The following B4GALT5 variants were observed in gnomAD, a reference collection of about 807,000 sequenced individuals.
B4GALT5 encodes beta-1,4-galactosyltransferase 5.
In B4GALT5, 11 loss-of-function variants were observed where a neutral mutation model predicts 45.0. That is an observed-to-expected ratio of 0.24 (90% CI 0.15 to 0.40). The LOEUF (loss-of-function observed/expected upper bound fraction) is 0.40. B4GALT5 is among the 10% of genes least tolerant of loss of function. B4GALT5 has a pLI of 1.00. For missense variants in B4GALT5, 337 were observed against 500.2 expected (o/e 0.67, Z 3.11); for synonymous variants, 185 against 182.9 (o/e 1.01, Z -0.09).
chr20:49,701,543 G>T (rs1016854936), intron 1 of B4GALT5, among the ~76,000 whole-genome samples: 10 of 152,142 alleles, frequency 6.6e-5, no homozygotes, highest in African/African-American at 2.4e-4. Context: ...TTGGCAGCCT[G>T]TTTCTCTTCA....
intron 1 of B4GALT5, among the ~76,000 whole-genome samples, chr20:49,658,878 T>A (rs1373746500): frequency 6.6e-6 from 1 of 152,192 alleles, no homozygotes; most frequent in Non-Finnish European, 1.5e-5. Flanking sequence ...ATAATAAATA[T>A]AAGCAACATT....
chr20:49,646,697 AG>A (rs2085600469), intron 3 of B4GALT5, among the ~76,000 whole-genome samples: 1 of 152,162 alleles, frequency 6.6e-6, no homozygotes, highest in South Asian at 2.1e-4. Context: ...TACTTTCTCT[AG>A]GAAGTTCAAA....
chr20:49,660,873 C>T (rs1350726832), intron 1 of B4GALT5, among the ~76,000 whole-genome samples: 3 of 152,172 alleles, frequency 2.0e-5, no homozygotes, highest in African/African-American at 4.8e-5. Context: ...CGCCTGTAGT[C>T]CCAGCCACTC....
intron 1 of B4GALT5, among the ~76,000 whole-genome samples, chr20:49,658,315 G>A (rs1033017248): frequency 2.6e-5 from 4 of 152,154 alleles, no homozygotes; most frequent in Admixed American, 2.6e-4. Context: ...CAGTAGGGGG[G>A]CAGTCCACAA....
chr20:49,633,171 A>AT lies in B4GALT5; in HGVS notation c.*3140dup, dbSNP rs1340486282. 1 of 152,680 alleles carries AT rather than the reference A, an allele frequency of 6.5e-6. No homozygotes were observed. The highest frequency in any genetic ancestry group is 1.5e-5 in the Non-Finnish European group (1 of 68,044). The allele number at this position is 152,680 out of a possible 1,614,324, so 9.5% of individuals were successfully genotyped here. On this transcript the variant is annotated 3_prime_UTR_variant, in exon 9 of 9. Transcript: ENST00000371711. ...GATGGAAATAAGCTAGCTACGCTCA[A>AT]TGCCATCGTCAATGGTGAGTGGATA...
intron 1 of B4GALT5, among the ~76,000 whole-genome samples, chr20:49,693,319 T>C (rs1391353861): frequency 1.3e-5 from 2 of 152,246 alleles, no homozygotes; most frequent in African/African-American, 2.4e-5. Context: ...GGGACTTTGC[T>C]AAGTTCTTCA....
Position 49,656,689 on chromosome 20 carries a change from G to C in B4GALT5, c.129C>G (p.Leu43=), listed in dbSNP as rs773162978. The change falls in exon 2 of 9, where the codon CTC becomes CTG. Residue 43 remains leucine (L), a synonymous_variant. Coordinates refer to ENST00000371711, the MANE Select transcript of B4GALT5 (RefSeq NM_004776.4). ...YVAPGIVNTY[L]FMMQAQGILI... is the part of the protein sequence containing the mutation. ...GAATGCCTTGGGCTTGCATCATGAA[G>C]AGGTAGGTGTTCACTGCAGAAAGCA... The C allele has an allele frequency of 6.2e-7, 1 of 1,614,160 alleles. No individual in the cohort carries two copies. The highest frequency in any genetic ancestry group is 1.7e-5 in the Admixed American group (1 of 60,026).
intron 2 of B4GALT5, among the ~76,000 whole-genome samples, chr20:49,651,902 A>C (rs902046694): frequency 6.6e-6 from 1 of 151,990 alleles, no homozygotes; most frequent in Non-Finnish European, 1.5e-5. Context: ...AACATGATGA[A>C]ACCTCATCTC....
chr20:49,680,287 T>C (rs1268172396), intron 1 of B4GALT5, among the ~76,000 whole-genome samples: 3 of 152,172 alleles, frequency 2.0e-5, no homozygotes, highest in Non-Finnish European at 4.4e-5. Flanking sequence ...AACATAAGGC[T>C]GAGCTATGGA....
chr20:49,700,341 TGAGA>T (rs2085856535), intron 1 of B4GALT5, among the ~76,000 whole-genome samples: 1 of 152,362 alleles, frequency 6.6e-6, no homozygotes, highest in South Asian at 2.1e-4. Flanking sequence ...TTAATTTTTC[TGAGA>T]GAGTCTCACT....
chr20:49,713,548 C>T, intron 1 of B4GALT5, 28 bp downstream of exon 1: 1 of 1,545,518 alleles, frequency 6.5e-7, no homozygotes, highest in East Asian at 2.5e-5. Context: ...AGAGCGGCAG[C>T]CGCCGCGGTC....
chr20:49,708,229 A>G (rs528354178), intron 1 of B4GALT5, among the ~76,000 whole-genome samples: 1 of 152,142 alleles, frequency 6.6e-6, no homozygotes, highest in African/African-American at 2.4e-5. Context: ...TGGGTGACAG[A>G]GCGAGAGACT....
intron 1 of B4GALT5, among the ~76,000 whole-genome samples, chr20:49,681,086 T>G (rs1362777893): frequency 2.0e-5 from 3 of 151,812 alleles, no homozygotes; most frequent in African/African-American, 4.8e-5. Context: ...CGTGGTGGCA[T>G]GCATCTGTTG....
chr20:49,677,408 C>T (rs2085742583), intron 1 of B4GALT5, among the ~76,000 whole-genome samples: 1 of 152,190 alleles, frequency 6.6e-6, no homozygotes, highest in Non-Finnish European at 1.5e-5. Context: ...TAGCACTATT[C>T]TTTAATCCAC....
Position 49,634,541 on chromosome 20 carries a change from G to A in B4GALT5, c.*1771C>T, listed in dbSNP as rs1984463045. ...GCTTTGGTTTGGGGAAAAACAAAGA[G>A]GCACAAATTCAAATACAATTTAGAA... On this transcript the variant is annotated 3_prime_UTR_variant, in exon 9 of 9. Transcript: ENST00000371711. The A allele has an allele frequency of 6.6e-6, 1 of 152,166 alleles. No individual in the cohort carries two copies. Among genetic ancestry groups the A allele is most frequent in the Non-Finnish European group, 1.5e-5 (1 of 68,024 alleles). The allele number at this position is 152,166 out of a possible 1,614,324, so 9.4% of individuals were successfully genotyped here. A position where few individuals can be genotyped will look rare whatever the true frequency, so the allele number is the denominator to read the frequency against.
chr20:49,639,359 GGTGTGT>G (rs34688851), intron 7 of B4GALT5, among the ~76,000 whole-genome samples: 2 of 149,324 alleles, frequency 1.3e-5, no homozygotes, highest in Non-Finnish European at 3.0e-5. Context: ...GGATGTGTGT[GGTGTGT>G]GTGTGTGTGT....
chr20:49,684,980 T>C (rs1008447819), intron 1 of B4GALT5, among the ~76,000 whole-genome samples: 7 of 152,230 alleles, frequency 4.6e-5, no homozygotes, highest in Non-Finnish European at 7.3e-5. Context: ...TTTAGAATTA[T>C]AGAAAAGTTG....
At chr20:49,705,518 T>C (rs1166080886) in intron 1 of B4GALT5, among the ~76,000 whole-genome samples, 1 of 152,186 alleles carries the variant, frequency 6.6e-6, no homozygotes, top group East Asian at 1.9e-4. Context: ...AGTGGGGACC[T>C]TGCCATTCAC....
intron 5 of B4GALT5, among the ~76,000 whole-genome samples, chr20:49,641,643 C>A (rs2085577383): frequency 6.6e-6 from 1 of 152,202 alleles, no homozygotes; most frequent in Non-Finnish European, 1.5e-5. Context: ...CAGTATAAGG[C>A]AAGCTCCAGG....
Sources: gnomAD v4.1 joint callset for allele counts (sites outside exome capture counted in the v4.1 genomes callset) on GRCh38, gnomAD v4.1.1 for gene constraint, MANE v1.5 for transcripts, NCBI Gene and HGNC (gene_info 2026-07-23, HGNC 2026-07-21) for gene names.